Variants in CLCN3 observed in about 807,000 individuals in gnomAD.
CLCN3 encodes Cl-/H+ antiporter 3, also known as H(+)/Cl(-) exchange transporter 3.
In CLCN3, 16 loss-of-function variants were observed where a neutral mutation model predicts 83.4. That is an observed-to-expected ratio of 0.19 (90% CI 0.13 to 0.29). The LOEUF (loss-of-function observed/expected upper bound fraction) is 0.29. CLCN3 is among the 10% of genes least tolerant of loss of function. CLCN3 has a pLI of 1.00. For synonymous variants in CLCN3, 322 were observed against 346.2 expected (o/e 0.93, Z 0.78); for missense variants, 544 against 1,006.0 (o/e 0.54, Z 6.21).
intron 2 of CLCN3, among the ~76,000 whole-genome samples, chr4:169,676,385 G>A (rs1167224382): frequency 6.6e-6 from 1 of 151,944 alleles, no homozygotes; most frequent in East Asian, 1.9e-4. Flanking sequence ...ATTTTGATAG[G>A]TATTTCCAAA....
At chr4:169,680,362 A>G (rs1201179750) in intron 3 of CLCN3, 155 bp downstream of exon 3, 16 of 606,356 alleles carry the variant, frequency 2.6e-5, no homozygotes, top group South Asian at 5.4e-5. Context: ...TTCTTTTTCT[A>G]TGTTTAATTT....
At chr4:169,635,254 A>G (rs1773474150) in intron 1 of CLCN3, among the ~76,000 whole-genome samples, 1 of 152,180 alleles carries the variant, frequency 6.6e-6, no homozygotes, top group South Asian at 2.1e-4. Flanking sequence ...ACTTATGTTG[A>G]ACTCTTATTT....
At chr4:169,673,241 G>A (rs1178538568) in intron 2 of CLCN3, among the ~76,000 whole-genome samples, 7 of 152,180 alleles carry the variant, frequency 4.6e-5, no homozygotes, top group Non-Finnish European at 8.8e-5. Flanking sequence ...TTGAATGTTT[G>A]AAAATTTTCT....
chr4:169,692,769 G>T (rs2150251212), intron 7 of CLCN3, among the ~76,000 whole-genome samples: 1 of 152,296 alleles, frequency 6.6e-6, no homozygotes, highest in South Asian at 2.1e-4. Flanking sequence ...AGTGCTATGG[G>T]GAAGTTCTGA....
intron 2 of CLCN3, among the ~76,000 whole-genome samples, chr4:169,653,500 G>A (rs914373693): frequency 2.6e-5 from 4 of 151,924 alleles, no homozygotes; most frequent in Non-Finnish European, 1.5e-5. Flanking sequence ...AATTAGTCAG[G>A]CGTGGTGGTG....
intron 11 of CLCN3, among the ~76,000 whole-genome samples, chr4:169,711,194 T>C (rs1318285398): frequency 6.6e-6 from 1 of 152,246 alleles, no homozygotes; most frequent in African/African-American, 2.4e-5. Flanking sequence ...TTTACATCTT[T>C]TTATTTTGTG....
intron 5 of CLCN3, among the ~76,000 whole-genome samples, chr4:169,690,123 A>G (rs1732305882): frequency 1.4e-5 from 2 of 143,376 alleles, no homozygotes; most frequent in South Asian, 4.3e-4. Context: ...ATTTTACTGA[A>G]GTTTCTTTTC....
intron 2 of CLCN3, among the ~76,000 whole-genome samples, chr4:169,672,716 T>G (rs1370050651): frequency 6.6e-6 from 1 of 152,140 alleles, no homozygotes; most frequent in Non-Finnish European, 1.5e-5. Flanking sequence ...CAGGCTAGAG[T>G]GCAGTGGTGC....
At chr4:169,656,044 C>T (rs1010986581) in intron 2 of CLCN3, among the ~76,000 whole-genome samples, 1 of 151,632 alleles carries the variant, frequency 6.6e-6, no homozygotes, top group Non-Finnish European at 1.5e-5. Context: ...ATTGATTGTC[C>T]CCCAGAAAAG....
chr4:169,714,345 C>T (rs953563526), intron 12 of CLCN3, among the ~76,000 whole-genome samples: 12 of 150,956 alleles, frequency 7.9e-5, no homozygotes, highest in African/African-American at 2.7e-4. Context: ...TGACTCCTGT[C>T]CAGAGAAAGG....
chr4:169,628,761 T>A (rs1235848888), intron 1 of CLCN3, among the ~76,000 whole-genome samples: 1 of 152,230 alleles, frequency 6.6e-6, no homozygotes, highest in African/African-American at 2.4e-5. Flanking sequence ...AAAACAAATA[T>A]GTGACTACTG....
chr4:169,642,132 C>T lies in CLCN3; in HGVS notation c.160+6044C>T, dbSNP rs181968841. ...AATGTTTTGTAGAGATGGGATCTCA[C>T]TATGTTGACCAGGCTAGTCTCAAAC... is the stretch of plus-strand genomic sequence containing the variant. On this transcript the variant is annotated intron_variant, in intron 2 of 12. Coordinates refer to ENST00000513761, the MANE Select transcript of CLCN3 (RefSeq NM_001829.4). Among the ~76,000 whole-genome samples the T allele has an allele frequency of 2.6e-5, 4 of 151,860 alleles. No individual in the cohort carries two copies. The East Asian group carries it at 7.7e-4, about 29-fold the overall frequency.
chr4:169,678,211 A>G (rs1285854139), intron 2 of CLCN3, among the ~76,000 whole-genome samples: 1 of 152,218 alleles, frequency 6.6e-6, no homozygotes, highest in Non-Finnish European at 1.5e-5. Context: ...TTCTAATTTT[A>G]CAGAGTCTAT....
At chr4:169,682,324 C>T (rs923126238) in intron 3 of CLCN3, among the ~76,000 whole-genome samples, 2 of 152,122 alleles carry the variant, frequency 1.3e-5, no homozygotes, top group African/African-American at 4.8e-5. Flanking sequence ...GTGATAGATA[C>T]AAGTTTCCTA....
chr4:169,624,016 G>A (rs1773169506), intron 1 of CLCN3, among the ~76,000 whole-genome samples: 1 of 152,158 alleles, frequency 6.6e-6, no homozygotes, highest in Non-Finnish European at 1.5e-5. Flanking sequence ...TTAAAATTAG[G>A]TCAGTATAGC....
intron 2 of CLCN3, among the ~76,000 whole-genome samples, chr4:169,668,730 A>ATTTTTTTTTTT (rs538629875): frequency 1.4e-5 from 2 of 141,738 alleles, no homozygotes; most frequent in Non-Finnish European, 3.1e-5. Context: ...AAAGTTTTTG[A>ATTTTTTTTTTT]TTTTTTTTTT....
At chr4:169,671,143 C>G (rs1294001971) in intron 2 of CLCN3, among the ~76,000 whole-genome samples, 1 of 152,112 alleles carries the variant, frequency 6.6e-6, no homozygotes, top group African/African-American at 2.4e-5. Context: ...AAGACACATG[C>G]ACACGTATGT....
At chr4:169,645,460 T>C (rs1730548770) in intron 2 of CLCN3, among the ~76,000 whole-genome samples, 1 of 152,232 alleles carries the variant, frequency 6.6e-6, no homozygotes, top group South Asian at 2.1e-4. Context: ...CTTTCAGTAT[T>C]TTCCAAATTG....
rs1730772722 is a variant in CLCN3, at chr4:169,653,071, T to A, written c.160+16983T>A. 1.3e-5 allele frequency among the ~76,000 whole-genome samples: 2 copies of A among 152,204 alleles called. 1 individual carries two copies. Among genetic ancestry groups the A allele is most frequent in the Non-Finnish European group, 2.9e-5 (2 of 68,040 alleles). On this transcript the variant is annotated intron_variant, in intron 2 of 12. Coordinates refer to ENST00000513761, the MANE Select transcript of CLCN3 (RefSeq NM_001829.4). ...ACAAATTATGAACAAATATTCTTAG[T>A]TGTAATGTGGTCCTATGTGTTAATC...
Sources: allele counts gnomAD v4.1 joint callset (sites outside exome capture counted in the v4.1 genomes callset), GRCh38; gene constraint gnomAD v4.1.1; transcripts MANE v1.5; gene names NCBI Gene and HGNC (gene_info 2026-07-23, HGNC 2026-07-21).